SCPEP1: variants seen among roughly 807,000 people sequenced by gnomAD.
The protein encoded by SCPEP1 is serine carboxypeptidase 1.
SCPEP1 carries 51 observed loss-of-function variants against 63.8 expected under a neutral mutation model. The observed-to-expected ratio is 0.80, with a 90% confidence interval of 0.64 to 1.01. The LOEUF (loss-of-function observed/expected upper bound fraction) is 1.01. Ranked by LOEUF, SCPEP1 falls within the 50% of genes least tolerant of loss-of-function variation. The pLI is 0.00. For synonymous variants in SCPEP1, 204 were observed against 207.8 expected, an observed-to-expected ratio of 0.98 and a Z score of 0.16; for missense variants, 499 against 554.9, an observed-to-expected ratio of 0.90 and a Z score of 1.01.
At position 56,995,030 on chromosome 17, in the gene SCPEP1, C is replaced by G; in HGVS notation, c.657+12C>G. The G allele has an allele frequency of 6.2e-7, 1 of 1,610,414 alleles. No homozygotes were observed. Among genetic ancestry groups the G allele is most frequent in the South Asian group, 1.1e-5 (1 of 90,974 alleles). On this transcript the variant is annotated intron_variant, in intron 7 of 12. Coordinates refer to ENST00000262288, the MANE Select transcript of SCPEP1 (RefSeq NM_021626.3). Reference sequence around the variant, plus strand: ...ACCTGTACAGCATGGTAAGTAGATACACATCTGCACCCTCTGGGCAAACAG... The same window carrying G: ...ACCTGTACAGCATGGTAAGTAGATAGACATCTGCACCCTCTGGGCAAACAG...
intron 12 of SCPEP1, among the ~76,000 whole-genome samples, chr17:57,005,766 C>T (rs72842355): frequency 0.12 from 18,205 of 152,148 alleles, 1,139 homozygotes; most frequent in East Asian, 0.21. Flanking sequence ...CTGTGAGCTC[C>T]CTTCTCAGCC....
chr17:56,978,188 T>C lies in SCPEP1; in HGVS notation c.29T>C (p.Val10Ala), dbSNP rs1289753368. The C allele has an allele frequency of 1.3e-6, 2 of 1,566,020 alleles. No individual in the cohort carries two copies. Among genetic ancestry groups the C allele is most frequent in the Admixed American group, 1.7e-5 (1 of 57,200 alleles). ...GAGCTGGCACTGCGGCGCTCTCCCG[T>C]CCCGCGGTGGTTGCTGCTGCTGCCG... MELALRRSPVPRWLLLLPLL... is the reference protein window; with the variant it reads MELALRRSPAPRWLLLLPLL... The change falls in exon 1 of 13, where the codon GTC (valine) becomes GCC (alanine). Residue 10 changes from valine to alanine, a missense_variant. Transcript: ENST00000262288.
At chr17:56,985,563 C>A in intron 3 of SCPEP1, 96 bp downstream of exon 3, 2 of 900,210 alleles carry the variant, frequency 2.2e-6, no homozygotes, top group Non-Finnish European at 1.8e-6. Context: ...CAATCCCTCG[C>A]TGTCCTTTTC....
rs3056052 is a variant in SCPEP1, at chr17:56,985,103, T to TGAAAAGAAAAGAAAAGAAAA, written c.226-269_226-250dup. ...CTGGGTGACAAAGTTAGACTCTGTC[T>TGAAAAGAAAAGAAAAGAAAA]GAAAAGAAAAGAAAAGAAAAGAAAA... is the stretch of plus-strand genomic sequence containing the variant. On this transcript the variant is annotated intron_variant, in intron 2 of 12. Transcript: ENST00000262288. 37 of 382,606 alleles carry TGAAAAGAAAAGAAAAGAAAA rather than the reference T, an allele frequency of 9.7e-5. 1 individual carries two copies. Among genetic ancestry groups the TGAAAAGAAAAGAAAAGAAAA allele is most frequent in the African/African-American group, 1.9e-4 (9 of 47,590 alleles). 23.7% of individuals were successfully genotyped at this position (382,606 alleles called of 1,614,324 possible).
intron 10 of SCPEP1, among the ~76,000 whole-genome samples, chr17:57,000,374 A>G (rs1436903704): frequency 6.6e-6 from 1 of 152,040 alleles, no homozygotes; most frequent in African/African-American, 2.4e-5. Context: ...GGGGCTTGTT[A>G]TTCATTTGGC....
In SCPEP1 at chr17:57,002,137, T is replaced by G; in HGVS notation, c.1252T>G (p.Tyr418Asp). 2 of 1,614,196 alleles carry G rather than the reference T, an allele frequency of 1.2e-6. No homozygotes were observed. The highest frequency in any genetic ancestry group is 2.2e-5 in the South Asian group (2 of 91,082). The change falls in exon 12 of 13, where the codon TAC becomes GAC. Residue 418 changes from tyrosine (Y) to aspartate (D), a missense_variant. Transcript: ENST00000262288. ...SLETSAFVKSYKNLAFYWILK... is the reference protein window; with the variant it reads ...SLETSAFVKSDKNLAFYWILK... ...GGAAACATCTGCTTTTGTCAAGTCC[T>G]ACAAGAACCTTGCTTTCTACTGGAT...
At chr17:56,991,010 G>A (rs942853159) in intron 5 of SCPEP1, 89 bp from the exon 6 acceptor site, 7 of 952,516 alleles carry the variant, frequency 7.3e-6, no homozygotes, top group Non-Finnish European at 1.2e-5. Flanking sequence ...AGGCTCAAGC[G>A]ATCCTCCTGC....
At position 56,991,016 on chromosome 17, in the gene SCPEP1, C is replaced by G. The variant is rs1911379708; in HGVS notation, c.547-83C>G. 8 of 1,003,464 alleles carry G rather than the reference C, an allele frequency of 8.0e-6. No homozygotes were observed. The South Asian group carries it at 1.0e-4, about 13-fold the overall frequency. The allele number at this position is 1,003,464 out of a possible 1,614,324, so 62.2% of individuals were successfully genotyped here. On this transcript the variant is annotated intron_variant, in intron 5 of 12. Transcript: ENST00000262288. The stretch of plus-strand genomic sequence containing the variant: ...TGTATTCCTAGGCTCAAGCGATCCT[C>G]CTGCCTAAGCTTCCCAAAGTGTTGG...
chr17:57,005,995 A>G (rs1348120490), intron 12 of SCPEP1, among the ~76,000 whole-genome samples, 178 bp from the exon 13 acceptor site: 1 of 152,180 alleles, frequency 6.6e-6, no homozygotes, highest in East Asian at 1.9e-4. Context: ...AAGAGCTTTC[A>G]TCCAGTGCAG....
chr17:56,998,521 T>G, intron 10 of SCPEP1, 23 bp downstream of exon 10: 1 of 1,554,596 alleles, frequency 6.4e-7, no homozygotes, highest in Non-Finnish European at 8.9e-7. Flanking sequence ...CCTAATTAAG[T>G]GCCGTTTGTA....
Position 56,994,940 on chromosome 17 carries a change from G to A in SCPEP1, c.620-41G>A. 2 of 1,561,392 alleles carry A rather than the reference G, an allele frequency of 1.3e-6. 1 individual carries two copies. On this transcript the variant is annotated intron_variant, in intron 6 of 12. Transcript: ENST00000262288. ...GTAGGTTTGTCTTTGGAAAGACAGA[G>A]GTATGACATACTTGATTTGTACATA...
chr17:56,992,089 G>C (rs1036442785), intron 6 of SCPEP1, among the ~76,000 whole-genome samples: 1 of 152,230 alleles, frequency 6.6e-6, no homozygotes, highest in African/African-American at 2.4e-5. Context: ...ATTGCAGGGG[G>C]TGGTTACACG....
chr17:57,004,255 T>A (rs1911822649), intron 12 of SCPEP1, among the ~76,000 whole-genome samples: 1 of 152,190 alleles, frequency 6.6e-6, no homozygotes, highest in Admixed American at 6.5e-5. Flanking sequence ...CTGGGCGCGG[T>A]GGCGCCTGCC....
chr17:56,991,960 T>C (rs1414151781), intron 6 of SCPEP1, among the ~76,000 whole-genome samples: 1 of 152,178 alleles, frequency 6.6e-6, no homozygotes, highest in Non-Finnish European at 1.5e-5. Flanking sequence ...TGTTCTAACC[T>C]AACAAAACGT....
chr17:56,998,311 A>G (rs1911633080), intron 9 of SCPEP1, 74 bp from the exon 10 acceptor site: 6 of 491,812 alleles, frequency 1.2e-5, no homozygotes, highest in Non-Finnish European at 1.8e-5. Context: ...TTCTGTCTCA[A>G]AAAAAAAAAA....
At chr17:56,995,229 G>T in intron 7 of SCPEP1, 1 of 562,362 alleles carries the variant, frequency 1.8e-6, no homozygotes, top group Non-Finnish European at 3.1e-6. Context: ...CTTTTTTCCA[G>T]ATATAAGAAA....
At chr17:56,991,733 A>G (rs1170331180) in intron 6 of SCPEP1, among the ~76,000 whole-genome samples, 1 of 152,202 alleles carries the variant, frequency 6.6e-6, no homozygotes, top group Non-Finnish European at 1.5e-5. Context: ...GACATCTGAA[A>G]CAATCATCCT....
At chr17:56,991,051 G>A (rs371987162) in intron 5 of SCPEP1, 48 bp from the exon 6 acceptor site, 220 of 1,362,764 alleles carry the variant, frequency 1.6e-4, no homozygotes, top group Middle Eastern at 1.8e-4. Flanking sequence ...GGATTACTGC[G>A]TGAGCCACTG....
intron 9 of SCPEP1, 172 bp downstream of exon 9, chr17:56,997,227 C>T (rs1198755744): frequency 3.1e-5 from 14 of 455,766 alleles, no homozygotes; most frequent in Non-Finnish European, 4.3e-5. Context: ...TCACTACAAT[C>T]CAGTTATGGA....
Sources: allele counts gnomAD v4.1 joint callset (sites outside exome capture counted in the v4.1 genomes callset), GRCh38; gene constraint gnomAD v4.1.1; transcripts MANE v1.5; gene names NCBI Gene and HGNC (gene_info 2026-07-23, HGNC 2026-07-21).